Variants in NFAT5 observed in about 807,000 individuals in gnomAD.
NFAT5 encodes the protein nuclear factor of activated T-cells 5.
NFAT5 carries 31 observed loss-of-function variants against 166.5 expected under a neutral mutation model. That is an observed-to-expected ratio of 0.19 (90% confidence interval 0.14 to 0.25). The LOEUF (loss-of-function observed/expected upper bound fraction) is 0.25. NFAT5 is among the 10% of genes least tolerant of loss of function. NFAT5 has a pLI of 1.00. For missense variants in NFAT5, 1,449 were observed against 1,821.8 expected, an observed-to-expected ratio of 0.80 and a Z score of 3.72; for synonymous variants, 612 against 639.7, an observed-to-expected ratio of 0.96 and a Z score of 0.65.
chr16:69,633,166 CTTT>C, intron 3 of NFAT5, among the ~76,000 whole-genome samples: 1 of 152,094 alleles, frequency 6.6e-6, no homozygotes, highest in African/African-American at 2.4e-5. Context: ...TAATATTTCT[CTTT>C]TTATTGTCCT....
chr16:69,608,181 C>T (rs1305247693), intron 2 of NFAT5, among the ~76,000 whole-genome samples: 1 of 150,364 alleles, frequency 6.7e-6, no homozygotes, highest in African/African-American at 2.5e-5. Flanking sequence ...ATGGCAAAAC[C>T]CCGGTCTCTA....
At chr16:69,667,545 T>C (rs1001568460) in intron 7 of NFAT5, among the ~76,000 whole-genome samples, 14 of 149,740 alleles carry the variant, frequency 9.3e-5, no homozygotes, top group East Asian at 5.9e-4. Flanking sequence ...GTAATGTAAA[T>C]ACGAATATGT....
At chr16:69,633,331 T>C (rs1015716297) in intron 3 of NFAT5, among the ~76,000 whole-genome samples, 4 of 152,236 alleles carry the variant, frequency 2.6e-5, no homozygotes, top group Admixed American at 6.5e-5. Context: ...ATACAGTTAC[T>C]GATTTTATGC....
At chr16:69,628,220 T>C (rs1001865560) in intron 3 of NFAT5, among the ~76,000 whole-genome samples, 3 of 151,864 alleles carry the variant, frequency 2.0e-5, no homozygotes, top group Non-Finnish European at 4.4e-5. Flanking sequence ...CCTAATGAAA[T>C]ATTAACCTTC....
At chr16:69,640,729 C>G (rs2035167432) in intron 3 of NFAT5, among the ~76,000 whole-genome samples, 2 of 152,210 alleles carry the variant, frequency 1.3e-5, no homozygotes, top group African/African-American at 4.8e-5. Context: ...CGCCTGTAAT[C>G]CCAGCACTAT....
At position 69,673,122 on chromosome 16, in the gene NFAT5, A is replaced by G. The variant is rs181797332; in HGVS notation, c.1557+2834A>G. On this transcript the variant is annotated intron_variant, in intron 9 of 14. Coordinates refer to ENST00000349945, the MANE Select transcript of NFAT5 (RefSeq NM_138713.4). ...AGCTACAGTAGGTTAAAGAATAATAATCATAAAAATAAGACACGTGGTGGA... is the reference window on the plus strand; with the variant it reads ...AGCTACAGTAGGTTAAAGAATAATAGTCATAAAAATAAGACACGTGGTGGA... Among the ~76,000 whole-genome samples, 38 of 152,310 alleles carry G rather than the reference A, an allele frequency of 2.5e-4. No homozygotes were observed. The Middle Eastern group carries it at 0.024, about 95-fold the overall frequency.
intron 2 of NFAT5, among the ~76,000 whole-genome samples, chr16:69,618,068 G>T (rs1008736368): frequency 1.3e-5 from 2 of 150,414 alleles, no homozygotes; most frequent in African/African-American, 2.4e-5. Flanking sequence ...TGAGGCAAGA[G>T]AATTGCTTGG....
chr16:69,625,570 T>A (rs2034419751), intron 2 of NFAT5, among the ~76,000 whole-genome samples: 1 of 151,994 alleles, frequency 6.6e-6, no homozygotes, highest in South Asian at 2.1e-4. Context: ...AAGTTTTTCT[T>A]TGATTAGATT....
At chr16:69,576,277 G>A (rs2016743380) in intron 2 of NFAT5, among the ~76,000 whole-genome samples, 1 of 142,924 alleles carries the variant, frequency 7.0e-6, no homozygotes. Context: ...GGGCGACAGA[G>A]TGAGACTCGG....
chr16:69,579,458 CT>C (rs1263783885), intron 2 of NFAT5, among the ~76,000 whole-genome samples: 3 of 151,498 alleles, frequency 2.0e-5, no homozygotes, highest in African/African-American at 7.3e-5. Flanking sequence ...CTAATTATTG[CT>C]TTTTTTTAAA....
chr16:69,660,619 A>G (rs983864209), intron 7 of NFAT5, among the ~76,000 whole-genome samples: 1 of 152,172 alleles, frequency 6.6e-6, no homozygotes, highest in African/African-American at 2.4e-5. Context: ...ATATTATAGT[A>G]TAGTGTTGGG....
chr16:69,566,297 C>T lies in NFAT5; in HGVS notation c.-5C>T. On this transcript the variant is annotated 5_prime_UTR_variant, in exon 1 of 15. Transcript: ENST00000349945. The surrounding 1 kb of genome is among the most constrained non-coding windows in gnomAD (Gnocchi z 5.7). ...TGCCCTCGGGCCGGGCTGGGTCGAG[C>T]TGCGATGCCCTCGGACTTCATCTCA... is the stretch of plus-strand genomic sequence containing the variant. 2 of 1,602,740 alleles carry T rather than the reference C, an allele frequency of 1.2e-6. No homozygotes were observed. Among genetic ancestry groups the T allele is most frequent in the Non-Finnish European group, 1.7e-6 (2 of 1,176,266 alleles).
At chr16:69,665,277 C>G (rs2036320744) in intron 7 of NFAT5, among the ~76,000 whole-genome samples, 1 of 149,604 alleles carries the variant, frequency 6.7e-6, no homozygotes, top group African/African-American at 2.5e-5. Context: ...GATGCCCTCT[C>G]TCACCACTCC....
chr16:69,693,370 C>T lies in NFAT5; in HGVS notation c.3545C>T (p.Pro1182Leu), dbSNP rs2037632682. The T allele has an allele frequency of 3.1e-6, 5 of 1,613,890 alleles. No individual in the cohort carries two copies. The highest frequency in any genetic ancestry group is 1.3e-5 in the African/African-American group (1 of 74,862). Residue 1182 changes from proline (P) to leucine (L), a missense_variant, in exon 13 of 15, where the codon CCG (proline) becomes CTG (leucine). Pro to Leu is a moderately conservative substitution (Grantham distance 98, BLOSUM62 -3). Coordinates refer to ENST00000349945, the MANE Select transcript of NFAT5 (RefSeq NM_138713.4). ...TVAQEAFFAA[P>L]NSISPLQSTS... is the part of the protein sequence containing the mutation. ...GCCCAAGAAGCATTTTTTGCAGCAC[C>T]GAACTCAATTTCTCCACTTCAGTCA...
At chr16:69,643,639 T>C (rs961488556) in intron 3 of NFAT5, among the ~76,000 whole-genome samples, 1 of 152,186 alleles carries the variant, frequency 6.6e-6, no homozygotes, top group African/African-American at 2.4e-5. Flanking sequence ...TATATTTGAA[T>C]TATATTTGAA....
intron 2 of NFAT5, among the ~76,000 whole-genome samples, chr16:69,579,560 T>A (rs1367385425): frequency 6.6e-6 from 1 of 152,142 alleles, no homozygotes; most frequent in African/African-American, 2.4e-5. Flanking sequence ...ATACTTACAG[T>A]GTAAACTATG....
chr16:69,692,459 A>G lies in NFAT5; in HGVS notation c.2634A>G (p.Leu878=). 1 of 1,614,252 alleles carries G rather than the reference A, an allele frequency of 6.2e-7. No individual in the cohort carries two copies. Among genetic ancestry groups the G allele is most frequent in the Non-Finnish European group, 8.5e-7 (1 of 1,180,048 alleles). The change falls in exon 13 of 15, where the codon TTA becomes TTG. Residue 878 remains leucine, a synonymous_variant. Coordinates refer to ENST00000349945, the MANE Select transcript of NFAT5 (RefSeq NM_138713.4). ...CAGTCCATACCAGACCAGATAATTT[A>G]TTACCTGGAAGAGCTGAAAGTGTTC... ...EPTVHTRPDN[L]LPGRAESVHP...
chr16:69,678,071 T>C (rs912027895), intron 10 of NFAT5, among the ~76,000 whole-genome samples: 4 of 151,244 alleles, frequency 2.6e-5, no homozygotes, highest in Admixed American at 2.0e-4. Flanking sequence ...GGAAGGAGAA[T>C]TGCCTGAACC....
At chr16:69,646,971 T>TA in intron 3 of NFAT5, 57 bp from the exon 4 acceptor site, 1 of 1,372,346 alleles carries the variant, frequency 7.3e-7, no homozygotes, top group South Asian at 1.6e-5. Flanking sequence ...ATGGGACTGC[T>TA]AGCCAGCATA....
Sources: allele counts gnomAD v4.1 joint callset (sites outside exome capture counted in the v4.1 genomes callset), GRCh38; gene constraint gnomAD v4.1.1; non-coding constraint Gnocchi (gnomAD v3.1); transcripts MANE v1.5; gene names NCBI Gene and HGNC (gene_info 2026-07-23, HGNC 2026-07-21).